Variants in SEMA3A observed in about 807,000 individuals in gnomAD.
The protein encoded by SEMA3A is semaphorin-3A.
In SEMA3A, 29 loss-of-function variants were observed where a neutral mutation model predicts 97.9. The observed-to-expected ratio is 0.30, with a 90% CI of 0.22 to 0.40. The LOEUF is 0.40. Ranked by LOEUF, SEMA3A falls within the 10% of genes least tolerant of loss-of-function variation. The probability of loss-of-function intolerance (pLI) is 1.00; values close to 1 mark genes in which losing one functional copy is unlikely to be tolerated. For missense variants in SEMA3A, 763 were observed against 951.3 expected (o/e 0.80, Z 2.60); for synonymous variants, 321 against 323.7 (o/e 0.99, Z 0.09).
chr7:83,968,837 G>A (rs1375264666), intron 15 of SEMA3A, among the ~76,000 whole-genome samples: 1 of 110,580 alleles, frequency 9.0e-6, no homozygotes, highest in East Asian at 2.9e-4. Flanking sequence ...TGGAGAAAGA[G>A]TCTCACTCTC....
intron 4 of SEMA3A, 127 bp from the exon 5 acceptor site, chr7:84,060,685 C>T (rs1041731118): frequency 3.0e-5 from 17 of 571,124 alleles, no homozygotes; most frequent in Non-Finnish European, 4.5e-5. Flanking sequence ...TTTATTTGTT[C>T]AAATTTTTGA....
At chr7:84,431,680 A>G (rs1242059820) in intron 1 of SEMA3A, among the ~76,000 whole-genome samples, 1 of 151,994 alleles carries the variant, frequency 6.6e-6, no homozygotes, top group Non-Finnish European at 1.5e-5. Context: ...AATTTGATCT[A>G]AGAATTATTG....
chr7:84,382,986 T>G (rs1323101931), intron 1 of SEMA3A, among the ~76,000 whole-genome samples: 1 of 151,994 alleles, frequency 6.6e-6, no homozygotes, highest in Non-Finnish European at 1.5e-5. Context: ...AATACTGGAT[T>G]TTTTCCCTTA....
chr7:83,965,651 TATATATATATATA>T (rs1437236651), intron 15 of SEMA3A, among the ~76,000 whole-genome samples: 137 of 13,300 alleles, frequency 0.01, 1 homozygote, highest in Non-Finnish European at 0.016. Flanking sequence ...TATATATATA[TATATATATATATA>T]TATTTTTTTT....
intron 3 of SEMA3A, among the ~76,000 whole-genome samples, chr7:84,260,561 C>T (rs1205956833): frequency 2.6e-5 from 4 of 152,200 alleles, no homozygotes; most frequent in East Asian, 1.9e-4. Context: ...GGCCTCTCCC[C>T]ACTCCCGGCA....
intron 2 of SEMA3A, among the ~76,000 whole-genome samples, chr7:84,341,997 C>G (rs1204719036): frequency 6.6e-6 from 1 of 152,112 alleles, no homozygotes; most frequent in African/African-American, 2.4e-5. Context: ...TCAGTGAAGC[C>G]TTTCCTAAAT....
intron 3 of SEMA3A, among the ~76,000 whole-genome samples, chr7:84,282,640 G>C (rs936500189): frequency 2.0e-5 from 3 of 152,076 alleles, no homozygotes; most frequent in Admixed American, 1.3e-4. Flanking sequence ...TTTCTGTATA[G>C]TATCTATTAA....
At chr7:84,079,943 G>T (rs1156435062) in intron 4 of SEMA3A, among the ~76,000 whole-genome samples, 1 of 146,900 alleles carries the variant, frequency 6.8e-6, no homozygotes, top group Non-Finnish European at 1.5e-5. Flanking sequence ...GCAAAGACTT[G>T]GAACCAACCC....
Position 83,967,477 on chromosome 7 carries a change from G to A in SEMA3A, c.1718-4130C>T, listed in dbSNP as rs1351620012. On this transcript the variant is annotated intron_variant, in intron 15 of 16. Transcript: ENST00000265362. Reference sequence around the variant, plus strand: ...TGTCAAACATACTGTCAATTTTGCCGGGCATGGTGGCTCACGCCTGTAATC... The same window carrying A: ...TGTCAAACATACTGTCAATTTTGCCAGGCATGGTGGCTCACGCCTGTAATC... Among the ~76,000 whole-genome samples the A allele has an allele frequency of 4.6e-5, 7 of 151,976 alleles. No individual in the cohort carries two copies. In the South Asian group the frequency reaches 6.2e-4, roughly 14 times the overall value.
chr7:84,149,235 A>C (rs183569226), intron 1 of SEMA3A, among the ~76,000 whole-genome samples: 1 of 152,358 alleles, frequency 6.6e-6, no homozygotes, highest in Admixed American at 6.5e-5. Flanking sequence ...ATAAATAGCA[A>C]CTTAAGGATT....
At chr7:84,097,913 T>G (rs1393144762) in intron 4 of SEMA3A, among the ~76,000 whole-genome samples, 2 of 152,088 alleles carry the variant, frequency 1.3e-5, no homozygotes, top group Non-Finnish European at 2.9e-5. Context: ...CCAAATACAT[T>G]TGTTCCTGCT....
chr7:84,358,747 T>C (rs1481424484), intron 2 of SEMA3A, among the ~76,000 whole-genome samples: 9 of 152,174 alleles, frequency 5.9e-5, no homozygotes, highest in Non-Finnish European at 1.0e-4. Context: ...ATTTTCACGA[T>C]ATTGATTCTT....
At chr7:84,425,591 T>A (rs1355494358) in intron 1 of SEMA3A, among the ~76,000 whole-genome samples, 2 of 146,436 alleles carry the variant, frequency 1.4e-5, no homozygotes, top group African/African-American at 2.5e-5. Context: ...GATATAAATA[T>A]AAACATATTG....
chr7:84,443,288 A>T (rs553061798), intron 1 of SEMA3A, among the ~76,000 whole-genome samples: 23 of 152,312 alleles, frequency 1.5e-4, no homozygotes, highest in African/African-American at 5.5e-4. Context: ...GAACTTCAAA[A>T]ATTTCATAAC....
intron 12 of SEMA3A, among the ~76,000 whole-genome samples, chr7:83,999,836 A>C (rs746860284): frequency 2.6e-5 from 4 of 152,134 alleles, no homozygotes; most frequent in Admixed American, 6.5e-5. Flanking sequence ...TGGCAAAATT[A>C]GTCTCCAAAT....
intron 3 of SEMA3A, among the ~76,000 whole-genome samples, chr7:84,239,552 T>C (rs1799312498): frequency 6.6e-6 from 1 of 152,192 alleles, no homozygotes; most frequent in South Asian, 2.1e-4. Context: ...AATGAATTCA[T>C]TTTTAAAGCA....
intron 4 of SEMA3A, among the ~76,000 whole-genome samples, chr7:84,066,613 C>G (rs1214591781): frequency 6.7e-6 from 1 of 149,008 alleles, no homozygotes; most frequent in East Asian, 1.9e-4. Flanking sequence ...CACAAGCATT[C>G]TTATACATCA....
chr7:84,295,172 T>C (rs1353462429), intron 3 of SEMA3A, among the ~76,000 whole-genome samples: 2 of 152,078 alleles, frequency 1.3e-5, no homozygotes, highest in African/African-American at 4.8e-5. Context: ...GGTACCTCTG[T>C]CCAACTTTGT....
chr7:84,001,045 G>A (rs1211440405), intron 12 of SEMA3A, among the ~76,000 whole-genome samples: 1 of 145,602 alleles, frequency 6.9e-6, no homozygotes, highest in Non-Finnish European at 1.5e-5. Flanking sequence ...TCATTTTTCT[G>A]TCTACCAACT....
Sources: gnomAD v4.1 joint callset for allele counts (sites outside exome capture counted in the v4.1 genomes callset) on GRCh38, gnomAD v4.1.1 for gene constraint, MANE v1.5 for transcripts, NCBI Gene and HGNC (gene_info 2026-07-23, HGNC 2026-07-21) for gene names.